The following ACRV1 variants were observed in gnomAD, a reference collection of about 807,000 sequenced individuals.
The protein encoded by ACRV1 is acrosomal protein SP-10.
ACRV1 carries 17 observed loss-of-function variants against 29.2 expected under a neutral mutation model. The observed-to-expected ratio is 0.58, with a 90% confidence interval of 0.40 to 0.87. ACRV1 has a LOEUF of 0.87. Among genes scored for constraint, ACRV1 ranks in the 40% least tolerant of loss-of-function variants. The probability of loss-of-function intolerance (pLI) is 0.00; values close to 1 mark genes in which losing one functional copy is unlikely to be tolerated. For synonymous variants in ACRV1, 98 were observed against 111.6 expected (o/e 0.88, Z 0.77); for missense variants, 294 against 316.0 (o/e 0.93, Z 0.53).
Position 125,677,783 on chromosome 11 carries a change from C to T in ACRV1, c.553+14G>A. 6.2e-7 allele frequency: 1 copy of T among 1,612,078 alleles called. No homozygotes were observed. On this transcript the variant is annotated intron_variant, in intron 2 of 3. Transcript: ENST00000533904. ...CTGAAGTCAATGACTGGCACCCATC[C>T]AAACATGGCTCACCTGTAGATGTGC...
chr11:125,678,258 T>C lies in ACRV1; in HGVS notation c.92A>G (p.Asp31Gly). The change falls in exon 2 of 4, where the codon GAT (aspartate) becomes GGT (glycine). Residue 31 changes from aspartate (D) to glycine (G), a missense_variant. Physicochemically the swap from Asp to Gly is moderately conservative, Grantham distance 94. Coordinates refer to ENST00000533904, the MANE Select transcript of ACRV1 (RefSeq NM_001612.6). ...SQPNELSGSI[D>G]HQTSVQQLPG... ...AAGTTGCTGAACTGAAGTTTGATGA[T>C]CTATGGAGCCAGAAAGCTCATTAGG... 1 of 1,614,128 alleles carries C rather than the reference T, an allele frequency of 6.2e-7. No individual in the cohort carries two copies. The highest frequency in any genetic ancestry group is 8.5e-7 in the Non-Finnish European group (1 of 1,180,006).
chr11:125,672,397 A>T lies in ACRV1; in HGVS notation c.*196T>A, dbSNP rs760235612. Reference sequence around the variant, plus strand: ...GAATATTGAGAGAAAGAGTTGGAGCAGGGAAGACAGGACAGAGAAGAATGG... The same window carrying T: ...GAATATTGAGAGAAAGAGTTGGAGCTGGGAAGACAGGACAGAGAAGAATGG... On this transcript the variant is annotated 3_prime_UTR_variant, in exon 4 of 4. Transcript: ENST00000533904. 1 of 588,000 alleles carries T rather than the reference A, an allele frequency of 1.7e-6. No individual in the cohort carries two copies. Among genetic ancestry groups the T allele is most frequent in the Non-Finnish European group, 2.8e-6 (1 of 351,030 alleles). 36.4% of individuals were successfully genotyped at this position (588,000 alleles called of 1,614,324 possible). A position where few individuals can be genotyped will look rare whatever the true frequency, so the allele number is the denominator to read the frequency against.
rs1942587211 is a variant in ACRV1, at chr11:125,677,829, G to T, written c.521C>A (p.Ala174Asp). The change falls in exon 2 of 4, where the codon GCT becomes GAT. Residue 174 changes from alanine to aspartate, a missense_variant. Physicochemically the swap from Ala to Asp is moderately radical, Grantham distance 126. Transcript: ENST00000533904. ...TGTGCTTGAAATTGGTGCACCTGAAGCCTGTTCCCCTGAAGCGTGCTCACC... is the reference window on the plus strand; with the variant it reads ...TGTGCTTGAAATTGGTGCACCTGAATCCTGTTCCCCTGAAGCGTGCTCACC... ...PSGEHASGEQ[A>D]SGAPISSTST... 4 of 1,614,036 alleles carry T rather than the reference G, an allele frequency of 2.5e-6. No individual in the cohort carries two copies. Among genetic ancestry groups the T allele is most frequent in the Non-Finnish European group, 2.5e-6 (3 of 1,180,028 alleles).
Position 125,680,520 on chromosome 11 carries a change from G to A in ACRV1, c.52+209C>T, listed in dbSNP as rs77676002. Among the ~76,000 whole-genome samples, 378 of 152,280 alleles carry A rather than the reference G, an allele frequency of 2.5e-3. 3 individuals are homozygous for A. The highest frequency in any genetic ancestry group is 8.6e-3 in the African/African-American group (358 of 41,564). ...CTAAAATAAGTAGAAACCAGACTGT[G>A]CCAAGCCAGTGGGACCCTCTGACTG... On this transcript the variant is annotated intron_variant, in intron 1 of 3. Coordinates refer to ENST00000533904, the MANE Select transcript of ACRV1 (RefSeq NM_001612.6).
rs1230855561 is a variant in ACRV1, at chr11:125,678,391, C to T, written c.53-94G>A. ...GGAGTTAGGCTAATGTTATGAGACTCCTAGGTTTCCTATGGGCCTAGATTG... is the reference window on the plus strand; with the variant it reads ...GGAGTTAGGCTAATGTTATGAGACTTCTAGGTTTCCTATGGGCCTAGATTG... On this transcript the variant is annotated intron_variant, in intron 1 of 3. Coordinates refer to ENST00000533904, the MANE Select transcript of ACRV1 (RefSeq NM_001612.6). 7.7e-6 allele frequency: 11 copies of T among 1,436,076 alleles called. No individual in the cohort carries two copies. In the East Asian group the frequency reaches 1.8e-4, roughly 24 times the overall value. The allele number at this position is 1,436,076 out of a possible 1,614,324, so 89.0% of individuals were successfully genotyped here. A position where few individuals can be genotyped will look rare whatever the true frequency, so the allele number is the denominator to read the frequency against.
chr11:125,678,012 T>G lies in ACRV1; in HGVS notation c.338A>C (p.Gln113Pro). ...ACCTGAAGGCTGTTCTCCTGAAGGCTGCTCACCTACAGTATGCTCACCTTC... is the reference window on the plus strand; with the variant it reads ...ACCTGAAGGCTGTTCTCCTGAAGGCGGCTCACCTACAGTATGCTCACCTTC... ...HAEGEHTVGE[Q>P]PSGEQPSGEH... The change falls in exon 2 of 4, where the codon CAG becomes CCG. Residue 113 changes from glutamine (Q) to proline (P), a missense_variant. Coordinates refer to ENST00000533904, the MANE Select transcript of ACRV1 (RefSeq NM_001612.6). 2.5e-6 allele frequency: 4 copies of G among 1,614,160 alleles called. No homozygotes were observed. Among genetic ancestry groups the G allele is most frequent in the East Asian group, 4.5e-5 (2 of 44,876 alleles).
At chr11:125,674,714 T>G (rs961618292) in intron 3 of ACRV1, among the ~76,000 whole-genome samples, 2 of 152,222 alleles carry the variant, frequency 1.3e-5, no homozygotes, top group African/African-American at 4.8e-5. Flanking sequence ...CTTTTCCTAG[T>G]AACAGGTCTT....
chr11:125,676,039 C>G (rs1369587184), intron 3 of ACRV1: 2 of 212,392 alleles, frequency 9.4e-6, no homozygotes, highest in African/African-American at 4.5e-5. Context: ...TTCCAAGTAG[C>G]TGGGATTACA....
At chr11:125,678,922 T>C (rs1303447936) in intron 1 of ACRV1, among the ~76,000 whole-genome samples, 1 of 141,930 alleles carries the variant, frequency 7.0e-6, no homozygotes, top group Non-Finnish European at 1.5e-5. Context: ...GGTTGGGGAT[T>C]CAGAGAGCAA....
At position 125,678,130 on chromosome 11, in the gene ACRV1, CA is replaced by C. The variant is rs758858957; in HGVS notation, c.219del (p.His73GlnfsTer38). On this transcript the variant is annotated frameshift_variant, in exon 2 of 4. Coordinates refer to ENST00000533904, the MANE Select transcript of ACRV1 (RefSeq NM_001612.6). LOFTEE classifies it high-confidence loss of function. ...NTLSEHGSSE[H>X]GSSKHTVAEH... ...TCGGCCACAGTGTGCTTGCTTGAACCATGCTCACTGGAACCATGCTCACTTA... is the reference window on the plus strand; with the variant it reads ...TCGGCCACAGTGTGCTTGCTTGAACCTGCTCACTGGAACCATGCTCACTTA... 1 of 1,614,082 alleles carries C rather than the reference CA, an allele frequency of 6.2e-7. No individual in the cohort carries two copies.
intron 3 of ACRV1, among the ~76,000 whole-genome samples, chr11:125,674,574 C>T (rs935289480): frequency 3.3e-5 from 5 of 152,166 alleles, no homozygotes; most frequent in Non-Finnish European, 5.9e-5. Context: ...CCATCAGTCA[C>T]TCCTATTACC....
chr11:125,672,412 G>A lies in ACRV1; in HGVS notation c.*181C>T. On this transcript the variant is annotated 3_prime_UTR_variant, in exon 4 of 4. Coordinates refer to ENST00000533904, the MANE Select transcript of ACRV1 (RefSeq NM_001612.6). ...GAGTTGGAGCAGGGAAGACAGGACA[G>A]AGAAGAATGGATAAAAGCATGAATA... The A allele has an allele frequency of 5.8e-6, 4 of 687,244 alleles. No homozygotes were observed. The highest frequency in any genetic ancestry group is 9.5e-6 in the Non-Finnish European group (4 of 419,630). The allele number at this position is 687,244 out of a possible 1,614,324, so 42.6% of individuals were successfully genotyped here.
intron 2 of ACRV1, among the ~76,000 whole-genome samples, chr11:125,677,006 G>T (rs1389745721): frequency 6.6e-6 from 1 of 152,100 alleles, no homozygotes; most frequent in Non-Finnish European, 1.5e-5. Flanking sequence ...CTTCCATGTT[G>T]CCTCTTTTAC....
Position 125,677,809 on chromosome 11 carries a change from T to C in ACRV1, c.541A>G (p.Ser181Gly), listed in dbSNP as rs376205119. The C allele has an allele frequency of 1.1e-5, 18 of 1,613,996 alleles. No homozygotes were observed. In the African/African-American group the frequency reaches 2.0e-4, roughly 18 times the overall value. ...GEQASGAPIS[S>G]TSTGTILNCY... ...AAACATGGCTCACCTGTAGATGTGC[T>C]TGAAATTGGTGCACCTGAAGCCTGT... Residue 181 changes from serine (S) to glycine (G), a missense_variant, in exon 2 of 4, where the codon AGC becomes GGC. Coordinates refer to ENST00000533904, the MANE Select transcript of ACRV1 (RefSeq NM_001612.6).
At chr11:125,677,577 T>C (rs1942571776) in intron 2 of ACRV1, among the ~76,000 whole-genome samples, 1 of 152,182 alleles carries the variant, frequency 6.6e-6, no homozygotes, top group East Asian at 1.9e-4. Flanking sequence ...TGTATTTGTT[T>C]TATTTTTCTT....
Position 125,671,994 on chromosome 11 carries a change from A to T in ACRV1, c.*599T>A, listed in dbSNP as rs1942214795. ...CTGCTGCAATATATAGCAAATAAGG[A>T]ATCATTATACTATTATCATTATGTT... is the stretch of plus-strand genomic sequence containing the variant. On this transcript the variant is annotated 3_prime_UTR_variant, in exon 4 of 4. Coordinates refer to ENST00000533904, the MANE Select transcript of ACRV1 (RefSeq NM_001612.6). 6.6e-6 allele frequency: 1 copy of T among 152,242 alleles called. No individual in the cohort carries two copies. Among genetic ancestry groups the T allele is most frequent in the Non-Finnish European group, 1.5e-5 (1 of 68,082 alleles). 9.4% of individuals were successfully genotyped at this position (152,242 alleles called of 1,614,324 possible).
At chr11:125,675,274 C>A (rs540037996) in intron 3 of ACRV1, among the ~76,000 whole-genome samples, 1 of 152,340 alleles carries the variant, frequency 6.6e-6, no homozygotes, top group African/African-American at 2.4e-5. Context: ...CACCTCTAAT[C>A]TTTCCTTTCC....
At chr11:125,677,012 T>A (rs1467965709) in intron 2 of ACRV1, among the ~76,000 whole-genome samples, 1 of 152,220 alleles carries the variant, frequency 6.6e-6, no homozygotes, top group Non-Finnish European at 1.5e-5. Context: ...TGTTGCCTCT[T>A]TTACTGTCTC....
At position 125,671,835 on chromosome 11, in the gene ACRV1, A is replaced by G. The variant is rs1406769835; in HGVS notation, c.*758T>C. Reference sequence around the variant, plus strand: ...GGATCTTTCCTGAGGATCAGATGAGACCGTGTATGTGAAAACATCTTGAAG... The same window carrying G: ...GGATCTTTCCTGAGGATCAGATGAGGCCGTGTATGTGAAAACATCTTGAAG... On this transcript the variant is annotated 3_prime_UTR_variant, in exon 4 of 4. Transcript: ENST00000533904. The G allele has an allele frequency of 6.6e-6, 1 of 152,210 alleles. No homozygotes were observed. The highest frequency in any genetic ancestry group is 1.5e-5 in the Non-Finnish European group (1 of 68,038). The allele number at this position is 152,210 out of a possible 1,614,324, so 9.4% of individuals were successfully genotyped here.
Sources: gnomAD v4.1 joint callset for allele counts (sites outside exome capture counted in the v4.1 genomes callset) on GRCh38, gnomAD v4.1.1 for gene constraint, MANE v1.5 for transcripts, NCBI Gene and HGNC (gene_info 2026-07-23, HGNC 2026-07-21) for gene names.